Variants in ULK4 observed in about 807,000 individuals in gnomAD.
ULK4 encodes unc-51 like kinase 4.
In ULK4, 133 loss-of-function variants were observed where a neutral mutation model predicts 160.6. The observed-to-expected ratio is 0.83, with a 90% CI of 0.72 to 0.96. ULK4 has a LOEUF of 0.96. Ranked by LOEUF, ULK4 falls within the 40% of genes least tolerant of loss-of-function variation. The pLI is 0.00. For synonymous variants in ULK4, 534 were observed against 539.8 expected, an observed-to-expected ratio of 0.99 and a Z score of 0.15; for missense variants, 1,580 against 1,499.5, an observed-to-expected ratio of 1.05 and a Z score of -0.89.
chr3:41,306,057 C>T (rs1235198801), intron 35 of ULK4, among the ~76,000 whole-genome samples: 1 of 148,696 alleles, frequency 6.7e-6, no homozygotes, highest in Non-Finnish European at 1.5e-5. Flanking sequence ...GGAGCCTCTC[C>T]GCCCAGCAGC....
chr3:41,817,359 T>C (rs971462913), intron 19 of ULK4, among the ~76,000 whole-genome samples: 4 of 152,166 alleles, frequency 2.6e-5, no homozygotes, highest in African/African-American at 4.8e-5. Context: ...GTTGATTCCA[T>C]ATCTTAGCTA....
intron 11 of ULK4, among the ~76,000 whole-genome samples, chr3:41,910,553 A>G (rs13088523): frequency 0.81 from 123,517 of 151,824 alleles, 54,595 homozygotes; most frequent in Non-Finnish European, 0.98. Flanking sequence ...CCAAGATCGC[A>G]CCACTGCACT....
intron 27 of ULK4, among the ~76,000 whole-genome samples, chr3:41,703,731 T>C (rs2036761796): frequency 1.3e-5 from 2 of 152,058 alleles, no homozygotes; most frequent in East Asian, 3.9e-4. Context: ...TAAATTCAAA[T>C]TTCCAAATCT....
At chr3:41,559,125 T>C (rs2087448720) in intron 32 of ULK4, among the ~76,000 whole-genome samples, 1 of 149,728 alleles carries the variant, frequency 6.7e-6, no homozygotes, top group Admixed American at 6.7e-5. Flanking sequence ...GAATATGCAG[T>C]GTTTGGTTTT....
At chr3:41,253,341 T>C (rs1019908860) in intron 35 of ULK4, among the ~76,000 whole-genome samples, 4 of 152,006 alleles carry the variant, frequency 2.6e-5, no homozygotes, top group African/African-American at 9.7e-5. Context: ...TATGTAGATG[T>C]AACATATAAG....
At chr3:41,499,705 G>A (rs1495703) in intron 32 of ULK4, among the ~76,000 whole-genome samples, 126,196 of 152,164 alleles carry the variant, frequency 0.83, 53,929 homozygotes, top group Non-Finnish European at 0.94. Context: ...TGAACAAAAT[G>A]GAATATCCCA....
intron 21 of ULK4, among the ~76,000 whole-genome samples, chr3:41,782,352 T>A (rs1409586259): frequency 6.6e-6 from 1 of 152,172 alleles, no homozygotes; most frequent in Non-Finnish European, 1.5e-5. Flanking sequence ...CACTCTGATG[T>A]CAGAAGACAA....
At chr3:41,295,205 T>G (rs529550596) in intron 35 of ULK4, among the ~76,000 whole-genome samples, 1 of 75,710 alleles carries the variant, frequency 1.3e-5, no homozygotes, top group South Asian at 4.7e-4. Flanking sequence ...GCAAACATAG[T>G]TTTTTCAAGA....
chr3:41,247,045 G>A lies in ULK4; in HGVS notation c.3765-53C>T, dbSNP rs1454102577. The A allele has an allele frequency of 1.9e-6, 3 of 1,559,902 alleles. No homozygotes were observed. In the East Asian group the frequency reaches 7.0e-5, roughly 36 times the overall value. Reference sequence around the variant, plus strand: ...TTAATAGGCATCTCTAAGGTAAAGTGCTCCCCCCTTTCAAAGGGGCCAGCC... The same window carrying A: ...TTAATAGGCATCTCTAAGGTAAAGTACTCCCCCCTTTCAAAGGGGCCAGCC... On this transcript the variant is annotated intron_variant, in intron 36 of 36. Coordinates refer to ENST00000301831, the MANE Select transcript of ULK4 (RefSeq NM_017886.4).
chr3:41,647,506 C>T lies in ULK4; in HGVS notation c.3071+16101G>A, dbSNP rs1278035568. Among the ~76,000 whole-genome samples, 5 of 152,162 alleles carry T rather than the reference C, an allele frequency of 3.3e-5. No individual in the cohort carries two copies. The South Asian group carries it at 8.3e-4, about 25-fold the overall frequency. On this transcript the variant is annotated intron_variant, in intron 30 of 36. Coordinates refer to ENST00000301831, the MANE Select transcript of ULK4 (RefSeq NM_017886.4). ...ATCAGCAGCGGTGGCTGCAGAACAG[C>T]GGATTTTCGCGAACCACAAATGCTG... is the stretch of plus-strand genomic sequence containing the variant.
intron 35 of ULK4, among the ~76,000 whole-genome samples, chr3:41,340,217 G>C (rs1446487619): frequency 6.6e-6 from 1 of 152,230 alleles, no homozygotes; most frequent in African/African-American, 2.4e-5. Context: ...ACTGAAGAGA[G>C]AAAAATAGTT....
At chr3:41,843,502 G>A (rs1247763375) in intron 17 of ULK4, among the ~76,000 whole-genome samples, 1 of 152,080 alleles carries the variant, frequency 6.6e-6, no homozygotes, top group African/African-American at 2.4e-5. Context: ...TGGGGTTCGT[G>A]GTTTCACTAG....
chr3:41,508,118 A>G (rs2085455624), intron 32 of ULK4, among the ~76,000 whole-genome samples: 1 of 152,156 alleles, frequency 6.6e-6, no homozygotes, highest in Non-Finnish European at 1.5e-5. Context: ...ACTGGCCTTT[A>G]GGACTGCAGG....
At chr3:41,832,051 T>C (rs1167243782) in intron 18 of ULK4, among the ~76,000 whole-genome samples, 1 of 152,210 alleles carries the variant, frequency 6.6e-6, no homozygotes, top group Admixed American at 6.5e-5. Context: ...CTATATTCCT[T>C]TGGGTTTATA....
At chr3:41,805,331 T>G (rs1288318459) in intron 19 of ULK4, among the ~76,000 whole-genome samples, 3 of 152,232 alleles carry the variant, frequency 2.0e-5, no homozygotes, top group Non-Finnish European at 4.4e-5. Flanking sequence ...GTACATTGAT[T>G]TTGTATCCTG....
At chr3:41,924,185 C>G (rs972048157) in intron 5 of ULK4, among the ~76,000 whole-genome samples, 1 of 152,270 alleles carries the variant, frequency 6.6e-6, no homozygotes, top group Middle Eastern at 3.4e-3. Context: ...ATCATCAACC[C>G]CACCCCAGTA....
intron 1 of ULK4, among the ~76,000 whole-genome samples, chr3:41,956,265 T>C (rs558922766): frequency 9.9e-5 from 15 of 152,268 alleles, no homozygotes; most frequent in Admixed American, 6.5e-4. Context: ...AATAGACCGA[T>C]TGCAGGCCAC....
intron 21 of ULK4, among the ~76,000 whole-genome samples, chr3:41,779,096 G>A (rs1197149933): frequency 9.0e-5 from 1 of 11,114 alleles, no homozygotes; most frequent in Admixed American, 1.1e-3. Context: ...CTGACAAAGG[G>A]CTAATATCCA....
At chr3:41,601,641 T>C (rs2032068495) in intron 31 of ULK4, among the ~76,000 whole-genome samples, 1 of 152,144 alleles carries the variant, frequency 6.6e-6, no homozygotes, top group Non-Finnish European at 1.5e-5. Context: ...GTAAGAATGA[T>C]ACCTCGTCTC....
Sources: gnomAD v4.1 joint callset for allele counts (sites outside exome capture counted in the v4.1 genomes callset) on GRCh38, gnomAD v4.1.1 for gene constraint, MANE v1.5 for transcripts, NCBI Gene and HGNC (gene_info 2026-07-23, HGNC 2026-07-21) for gene names.